CORO1C: variants seen among roughly 807,000 people sequenced by gnomAD.
The protein encoded by CORO1C is coronin-1C.
In CORO1C, 14 loss-of-function variants were observed where a neutral mutation model predicts 51.2. That is an observed-to-expected ratio of 0.27 (90% confidence interval 0.18 to 0.43). CORO1C has a LOEUF of 0.43. Among genes scored for constraint, CORO1C ranks in the 20% least tolerant of loss-of-function variants. The probability of loss-of-function intolerance (pLI) is 1.00; values close to 1 mark genes in which losing one functional copy is unlikely to be tolerated. For synonymous variants in CORO1C, 181 were observed against 210.5 expected (o/e 0.86, Z 1.21); for missense variants, 417 against 607.8 (o/e 0.69, Z 3.30).
At chr12:108,700,932 C>T in intron 2 of CORO1C, 192 bp downstream of exon 2, 1 of 639,412 alleles carries the variant, frequency 1.6e-6, no homozygotes, top group Non-Finnish European at 2.7e-6. Flanking sequence ...GAACAGAGGT[C>T]ACTATTCTAT....
At chr12:108,670,238 T>C (rs1227748113) in intron 3 of CORO1C, among the ~76,000 whole-genome samples, 1 of 152,126 alleles carries the variant, frequency 6.6e-6, no homozygotes. Flanking sequence ...CTCGGGTGTG[T>C]GTGGGAAGGG....
chr12:108,669,480 T>C (rs941392248), intron 3 of CORO1C, among the ~76,000 whole-genome samples: 1 of 152,062 alleles, frequency 6.6e-6, no homozygotes, highest in Non-Finnish European at 1.5e-5. Context: ...CATACCTCCA[T>C]ATTATATGGA....
chr12:108,657,253 A>G, intron 6 of CORO1C, 51 bp downstream of exon 6: 1 of 1,596,160 alleles, frequency 6.3e-7, no homozygotes, highest in East Asian at 2.2e-5. Flanking sequence ...CCTGCTCAGA[A>G]CAGAGAGAAA....
intron 3 of CORO1C, among the ~76,000 whole-genome samples, chr12:108,675,239 T>C (rs566979905): frequency 2.0e-5 from 3 of 152,176 alleles, no homozygotes; most frequent in Non-Finnish European, 4.4e-5. Flanking sequence ...TCCCTTAAAA[T>C]AAACCAGGAC....
In CORO1C at chr12:108,662,010, C is replaced by T. The variant is rs759620406; in HGVS notation, c.448+19G>A. ...CAAGAGTGGAAGACAAGGGGAGGACCGCTGAGCTCAGCTCCCACCTGCACT... is the reference window on the plus strand; with the variant it reads ...CAAGAGTGGAAGACAAGGGGAGGACTGCTGAGCTCAGCTCCCACCTGCACT... On this transcript the variant is annotated intron_variant, in intron 4 of 10. Transcript: ENST00000261401. The T allele has an allele frequency of 1.9e-6, 3 of 1,613,828 alleles. No individual in the cohort carries two copies. Among genetic ancestry groups the T allele is most frequent in the Non-Finnish European group, 2.5e-6 (3 of 1,179,928 alleles).
At chr12:108,719,612 T>A (rs1490428677) in intron 1 of CORO1C, among the ~76,000 whole-genome samples, 3 of 152,136 alleles carry the variant, frequency 2.0e-5, no homozygotes, top group Admixed American at 1.3e-4. Flanking sequence ...GCCCTATGAT[T>A]TCTCTGGTGC....
chr12:108,705,553 T>TA (rs2035005699), intron 1 of CORO1C, among the ~76,000 whole-genome samples: 1 of 150,752 alleles, frequency 6.6e-6, no homozygotes, highest in African/African-American at 2.4e-5. Flanking sequence ...ATCAAACATT[T>TA]AAAAAATACC....
intron 2 of CORO1C, among the ~76,000 whole-genome samples, chr12:108,678,941 C>T (rs1403070165): frequency 6.6e-6 from 1 of 150,718 alleles, no homozygotes; most frequent in African/African-American, 2.4e-5. Context: ...TGAAACCCCA[C>T]CTCTACTAAA....
intron 3 of CORO1C, among the ~76,000 whole-genome samples, chr12:108,673,263 T>C (rs1346013007): frequency 6.6e-6 from 1 of 152,170 alleles, no homozygotes; most frequent in Non-Finnish European, 1.5e-5. Flanking sequence ...TTTAGTGGTC[T>C]GGATAGAAAT....
At chr12:108,677,533 G>A (rs1004255030) in intron 3 of CORO1C, among the ~76,000 whole-genome samples, 1 of 152,158 alleles carries the variant, frequency 6.6e-6, no homozygotes, top group Non-Finnish European at 1.5e-5. Flanking sequence ...TACCACCTGT[G>A]ACATATCCCA....
At chr12:108,696,466 G>A (rs984092637) in intron 2 of CORO1C, 1 of 152,124 alleles carries the variant, frequency 6.6e-6, no homozygotes, top group African/African-American at 2.4e-5. Flanking sequence ...TGGTGTGTAT[G>A]AGCCCTCCAT....
At chr12:108,688,752 C>G (rs938786944) in intron 2 of CORO1C, among the ~76,000 whole-genome samples, 1 of 151,360 alleles carries the variant, frequency 6.6e-6, no homozygotes, top group Non-Finnish European at 1.5e-5. Flanking sequence ...ACTAAAAATA[C>G]AGGCCGGGCA....
intron 4 of CORO1C, among the ~76,000 whole-genome samples, chr12:108,660,665 G>C (rs938460096): frequency 2.0e-5 from 3 of 152,120 alleles, no homozygotes; most frequent in Non-Finnish European, 4.4e-5. Context: ...ACATGTAAAA[G>C]GGAGAATGCA....
intron 1 of CORO1C, among the ~76,000 whole-genome samples, chr12:108,707,120 G>A (rs1299978297): frequency 6.6e-6 from 1 of 152,138 alleles, no homozygotes; most frequent in Non-Finnish European, 1.5e-5. Context: ...CCCAAACTAA[G>A]ATATAGATTT....
intron 3 of CORO1C, among the ~76,000 whole-genome samples, chr12:108,673,476 A>C (rs1416910038): frequency 6.6e-6 from 1 of 152,234 alleles, no homozygotes; most frequent in Non-Finnish European, 1.5e-5. Context: ...GCTGATGGAG[A>C]AGCTGCAGCA....
At chr12:108,681,176 A>G (rs1003432167) in intron 2 of CORO1C, among the ~76,000 whole-genome samples, 1 of 152,208 alleles carries the variant, frequency 6.6e-6, no homozygotes, top group African/African-American at 2.4e-5. Flanking sequence ...TGAATGTGTG[A>G]TATTTCATAA....
intron 2 of CORO1C, among the ~76,000 whole-genome samples, chr12:108,693,645 T>C (rs928056625): frequency 6.6e-6 from 1 of 152,130 alleles, no homozygotes; most frequent in African/African-American, 2.4e-5. Flanking sequence ...CATAAATGAT[T>C]TGTTTATCTT....
intron 2 of CORO1C, among the ~76,000 whole-genome samples, chr12:108,695,814 A>G (rs943625814): frequency 4.7e-5 from 7 of 149,310 alleles, no homozygotes; most frequent in African/African-American, 1.7e-4. Flanking sequence ...AATCCTATGC[A>G]TCTAGAAGAC....
chr12:108,718,013 T>C (rs2035381563), intron 1 of CORO1C, among the ~76,000 whole-genome samples: 1 of 151,248 alleles, frequency 6.6e-6, no homozygotes, highest in African/African-American at 2.4e-5. Context: ...AGGTAAGGAG[T>C]TCAAGACCAG....
Sources: gnomAD v4.1 joint callset for allele counts (sites outside exome capture counted in the v4.1 genomes callset) on GRCh38, gnomAD v4.1.1 for gene constraint, MANE v1.5 for transcripts, NCBI Gene and HGNC (gene_info 2026-07-23, HGNC 2026-07-21) for gene names.